Variants in TSC1 observed in about 807,000 individuals in gnomAD.
TSC1 encodes the protein hamartin.
A neutral mutation model predicts 124.3 loss-of-function variants in TSC1; 20 were observed. That is an observed-to-expected ratio of 0.16 (90% CI 0.11 to 0.23). The LOEUF (loss-of-function observed/expected upper bound fraction) is 0.23. Among genes scored for constraint, TSC1 ranks in the 10% least tolerant of loss-of-function variants. The pLI, the probability that TSC1 is intolerant of heterozygous loss-of-function variation, is 1.00. For synonymous variants in TSC1, 493 were observed against 539.1 expected, an observed-to-expected ratio of 0.91 and a Z score of 1.19; for missense variants, 1,124 against 1,448.5, an observed-to-expected ratio of 0.78 and a Z score of 3.64.
intron 1 of TSC1, chr9:132,941,166 C>T (rs1588386737): frequency 6.6e-6 from 1 of 152,202 alleles, no homozygotes; most frequent in African/African-American, 2.4e-5. Context: ...AGATGTAAAT[C>T]TGAATTCATT....
chr9:132,906,392 A>G lies in TSC1; in HGVS notation c.1439-253T>C. On this transcript the variant is annotated intron_variant, in intron 14 of 22. Coordinates refer to ENST00000298552, the MANE Select transcript of TSC1 (RefSeq NM_000368.5). This position sits in a 1 kb window ranked among gnomAD's most constrained non-coding sequence, Gnocchi z 4.1. Reference sequence around the variant, plus strand: ...GAGATCCCATCTCTACAAAAAATACAATAAAAATCAGCTGAGCATCGTGGT... The same window carrying G: ...GAGATCCCATCTCTACAAAAAATACGATAAAAATCAGCTGAGCATCGTGGT... 1 of 561,430 alleles carries G rather than the reference A, an allele frequency of 1.8e-6. No homozygotes were observed. The highest frequency in any genetic ancestry group is 3.2e-6 in the Non-Finnish European group (1 of 315,088). The allele number at this position is 561,430 out of a possible 1,614,324, so 34.8% of individuals were successfully genotyped here.
intron 1 of TSC1, chr9:132,943,362 C>T (rs533518312): frequency 6.6e-6 from 1 of 152,170 alleles, no homozygotes; most frequent in East Asian, 1.9e-4. Flanking sequence ...ACACTGCCAT[C>T]CCAAACAAAA....
intron 1 of TSC1, chr9:132,941,192 T>C (rs1847719399): frequency 6.6e-6 from 1 of 152,254 alleles, no homozygotes; most frequent in South Asian, 2.1e-4. Context: ...GTAAAAAGTA[T>C]TGTTATCTTT....
chr9:132,920,204 G>A (rs867297394), intron 8 of TSC1, among the ~76,000 whole-genome samples: 22 of 152,176 alleles, frequency 1.4e-4, no homozygotes, highest in Non-Finnish European at 1.9e-4. Context: ...ACTCAGATGC[G>A]CTGGTCCTCC....
At chr9:132,911,182 T>C (rs1451247733) in intron 10 of TSC1, 69 bp from the exon 11 acceptor site, 2 of 1,272,680 alleles carry the variant, frequency 1.6e-6, no homozygotes, top group East Asian at 2.3e-5. Flanking sequence ...TTTATATCCA[T>C]GGCCAGTGTT....
intron 5 of TSC1, among the ~76,000 whole-genome samples, chr9:132,925,288 T>C (rs1846790187): frequency 6.6e-6 from 1 of 152,216 alleles, no homozygotes; most frequent in Admixed American, 6.5e-5. Context: ...CCAGGATGTT[T>C]TTAAATGAGG....
At chr9:132,904,748 T>C (rs1845570119) in intron 15 of TSC1, among the ~76,000 whole-genome samples, 1 of 152,236 alleles carries the variant, frequency 6.6e-6, no homozygotes, top group African/African-American at 2.4e-5. Flanking sequence ...GCATACACCG[T>C]GGCCTCCGTT....
At chr9:132,938,818 T>C (rs1847594910) in intron 1 of TSC1, among the ~76,000 whole-genome samples, 1 of 152,182 alleles carries the variant, frequency 6.6e-6, no homozygotes, top group South Asian at 2.1e-4. Flanking sequence ...AAATTACAGG[T>C]GAATATTCGA....
chr9:132,903,569 G>T lies in TSC1; in HGVS notation c.2208+82C>A, dbSNP rs957824195. 2 of 1,604,374 alleles carry T rather than the reference G, an allele frequency of 1.2e-6. No individual in the cohort carries two copies. The highest frequency in any genetic ancestry group is 8.5e-7 in the Non-Finnish European group (1 of 1,174,602). On this transcript the variant is annotated intron_variant, in intron 17 of 22. Transcript: ENST00000298552. This position sits in a 1 kb window ranked among gnomAD's most constrained non-coding sequence, Gnocchi z 5.9. Reference sequence around the variant, plus strand: ...AAGGACTGGGAACTCTGACCTCCTCGGCTGCTGTGCTTTATAAGCTATCAT... The same window carrying T: ...AAGGACTGGGAACTCTGACCTCCTCTGCTGCTGTGCTTTATAAGCTATCAT...
At chr9:132,913,326 C>T (rs546604270) in intron 8 of TSC1, among the ~76,000 whole-genome samples, 5 of 152,130 alleles carry the variant, frequency 3.3e-5, no homozygotes, top group Non-Finnish European at 4.4e-5. Flanking sequence ...ACAAAAGTCC[C>T]GATCATAATA....
intron 2 of TSC1, among the ~76,000 whole-genome samples, chr9:132,933,948 CA>C (rs1847331120): frequency 6.6e-6 from 1 of 152,118 alleles, no homozygotes; most frequent in Admixed American, 6.5e-5. Flanking sequence ...TACACAAAAA[CA>C]CTGAAAATGA....
At chr9:132,938,205 TG>T (rs1275319635) in intron 1 of TSC1, among the ~76,000 whole-genome samples, 2 of 152,200 alleles carry the variant, frequency 1.3e-5, no homozygotes, top group Non-Finnish European at 2.9e-5. Flanking sequence ...TCCTGTCCTA[TG>T]GGGGTACTAC....
rs144270749 is a variant in TSC1, at chr9:132,923,334, G to A, written c.508+14C>T. The A allele has an allele frequency of 6.3e-5, 102 of 1,614,010 alleles. 3 individuals are homozygous for A. In the East Asian group the frequency reaches 2.2e-3, roughly 35 times the overall value. ...ACCTCACAGGGCCCAACAGGTATAT[G>A]AGGAGATCTGTACCTGGTTTCTTCA... On this transcript the variant is annotated intron_variant, in intron 6 of 22. Coordinates refer to ENST00000298552, the MANE Select transcript of TSC1 (RefSeq NM_000368.5). The surrounding 1 kb of genome is among the most constrained non-coding windows in gnomAD (Gnocchi z 4.2).
At position 132,893,456 on chromosome 9, in the gene TSC1, A is replaced by T. The variant is rs139067673; in HGVS notation, c.*2779T>A. The T allele has an allele frequency of 2.9e-4, 67 of 233,296 alleles. No individual in the cohort carries two copies. Among genetic ancestry groups the T allele is most frequent in the African/African-American group, 1.5e-3 (66 of 45,458 alleles). 14.5% of individuals were successfully genotyped at this position (233,296 alleles called of 1,614,324 possible). A position where few individuals can be genotyped will look rare whatever the true frequency, so the allele number is the denominator to read the frequency against. On this transcript the variant is annotated 3_prime_UTR_variant, in exon 23 of 23. Coordinates refer to ENST00000298552, the MANE Select transcript of TSC1 (RefSeq NM_000368.5). ...TGAAAATCCATCAAAGTTCTATCAG[A>T]TGCAGATCTGTGTGTTTATTCACCT...
chr9:132,944,072 C>T (rs1847906686), intron 1 of TSC1: 1 of 152,680 alleles, frequency 6.5e-6, no homozygotes, highest in African/African-American at 2.4e-5. Context: ...CCACAGGCGA[C>T]CTCCATTCAT....
At chr9:132,897,638 A>G (rs2131641754) in intron 20 of TSC1, 28 bp from the exon 21 acceptor site, 1 of 1,516,814 alleles carries the variant, frequency 6.6e-7, no homozygotes, top group Non-Finnish European at 8.9e-7. Flanking sequence ...AAAAGACTGG[A>G]ATTAGTACTT....
Position 132,902,906 on chromosome 9 carries a change from G to A in TSC1, c.2209-119C>T, listed in dbSNP as rs1588302428. ...TACCCTGAAAATGTAACTAACTACA[G>A]ACCAAAACTCTTAGAGCTCACTACT... is the stretch of plus-strand genomic sequence containing the variant. On this transcript the variant is annotated intron_variant, in intron 17 of 22. Coordinates refer to ENST00000298552, the MANE Select transcript of TSC1 (RefSeq NM_000368.5). The surrounding 1 kb of genome is among the most constrained non-coding windows in gnomAD (Gnocchi z 5.2). 1 of 1,313,222 alleles carries A rather than the reference G, an allele frequency of 7.6e-7. No homozygotes were observed. Among genetic ancestry groups the A allele is most frequent in the East Asian group, 2.3e-5 (1 of 42,976 alleles). 81.3% of individuals were successfully genotyped at this position (1,313,222 alleles called of 1,614,324 possible).
intron 2 of TSC1, chr9:132,931,489 T>C (rs1194996274): frequency 6.6e-6 from 1 of 152,234 alleles, no homozygotes; most frequent in Admixed American, 6.5e-5. Flanking sequence ...AAAATCCTAC[T>C]GTCGGCCGCG....
At chr9:132,918,608 A>G (rs1209383095) in intron 8 of TSC1, among the ~76,000 whole-genome samples, 1 of 152,194 alleles carries the variant, frequency 6.6e-6, no homozygotes, top group African/African-American at 2.4e-5. Context: ...TGAAGCATAT[A>G]CATTCTGAAT....
Sources: gnomAD v4.1 joint callset for allele counts (sites outside exome capture counted in the v4.1 genomes callset) on GRCh38, gnomAD v4.1.1 for gene constraint, Gnocchi (gnomAD v3.1) non-coding constraint, MANE v1.5 for transcripts, NCBI Gene and HGNC (gene_info 2026-07-23, HGNC 2026-07-21) for gene names.